Variants in TCEANC2 observed in about 807,000 individuals in gnomAD.
TCEANC2 encodes transcription elongation factor A N-terminal and central domain-containing protein 2.
A neutral mutation model predicts 22.8 loss-of-function variants in TCEANC2; 20 were observed. That is an observed-to-expected ratio of 0.88 (90% CI 0.62 to 1.28). TCEANC2 has a LOEUF of 1.28. Among genes scored for constraint, TCEANC2 ranks in the 50% most tolerant of loss-of-function variants. The pLI is 0.00. For missense variants in TCEANC2, 251 were observed against 249.7 expected (o/e 1.01, Z -0.03); for synonymous variants, 84 against 95.5 (o/e 0.88, Z 0.70).
At chr1:54,090,066 A>G in intron 4 of TCEANC2, 1 of 658,732 alleles carries the variant, frequency 1.5e-6, no homozygotes, top group Non-Finnish European at 2.9e-6. Context: ...CCCTGTTGGC[A>G]GGGTCACCCC....
chr1:54,076,077 TG>T (rs1205705147), intron 3 of TCEANC2, among the ~76,000 whole-genome samples: 1 of 152,038 alleles, frequency 6.6e-6, no homozygotes, highest in Non-Finnish European at 1.5e-5. Flanking sequence ...TTTTATTTTA[TG>T]AGTATTTTTT....
intron 4 of TCEANC2, among the ~76,000 whole-genome samples, chr1:54,093,380 C>T (rs1658483805): frequency 6.6e-6 from 1 of 152,144 alleles, no homozygotes; most frequent in African/African-American, 2.4e-5. Flanking sequence ...GACAGGTATT[C>T]TTCACTTTGC....
chr1:54,089,186 C>G (rs931849645), intron 4 of TCEANC2, among the ~76,000 whole-genome samples: 1 of 152,206 alleles, frequency 6.6e-6, no homozygotes, highest in African/African-American at 2.4e-5. Context: ...ATCATATATG[C>G]AAAAGAATAG....
chr1:54,055,972 G>A (rs1657745297), intron 2 of TCEANC2, among the ~76,000 whole-genome samples: 1 of 152,200 alleles, frequency 6.6e-6, no homozygotes, highest in Non-Finnish European at 1.5e-5. Context: ...AGGATACTTA[G>A]CATCCCTGGC....
intron 2 of TCEANC2, among the ~76,000 whole-genome samples, chr1:54,065,822 T>G (rs1204852590): frequency 6.6e-6 from 1 of 152,106 alleles, no homozygotes; most frequent in Non-Finnish European, 1.5e-5. Flanking sequence ...CTCACACTTG[T>G]AATCCATGTG....
intron 3 of TCEANC2, among the ~76,000 whole-genome samples, chr1:54,074,321 G>T (rs562042436): frequency 6.6e-6 from 1 of 152,128 alleles, no homozygotes; most frequent in Non-Finnish European, 1.5e-5. Context: ...CAATTAGCTG[G>T]GCATGGTGGC....
At chr1:54,067,952 A>G (rs2100361916) in intron 2 of TCEANC2, among the ~76,000 whole-genome samples, 1 of 152,360 alleles carries the variant, frequency 6.6e-6, no homozygotes, top group African/African-American at 2.4e-5. Flanking sequence ...GTAAAAGCAA[A>G]TTAAAAGTCT....
chr1:54,065,618 T>C (rs1206970201), intron 2 of TCEANC2, among the ~76,000 whole-genome samples: 1 of 151,916 alleles, frequency 6.6e-6, no homozygotes, highest in Non-Finnish European at 1.5e-5. Flanking sequence ...CTTGGGAGAC[T>C]GAGGTGGGAG....
chr1:54,072,671 A>G (rs1307430635), intron 3 of TCEANC2, among the ~76,000 whole-genome samples: 1 of 152,178 alleles, frequency 6.6e-6, no homozygotes, highest in Non-Finnish European at 1.5e-5. Flanking sequence ...CTGGGATTAC[A>G]GGCGTGAGCC....
downstream of TCEANC2, among the ~76,000 whole-genome samples, chr1:54,106,724 G>A (rs1377447304): frequency 6.6e-6 from 1 of 151,170 alleles, no homozygotes; most frequent in Non-Finnish European, 1.5e-5. Flanking sequence ...TTTATGTAAG[G>A]GAAAAAAACT....
intron 3 of TCEANC2, among the ~76,000 whole-genome samples, chr1:54,070,831 A>G (rs1329466902): frequency 6.6e-6 from 1 of 152,246 alleles, no homozygotes; most frequent in Admixed American, 6.5e-5. Context: ...ATAATAATGA[A>G]GGAGACAGAT....
chr1:54,063,792 G>A (rs1657899774), intron 2 of TCEANC2, among the ~76,000 whole-genome samples: 1 of 152,182 alleles, frequency 6.6e-6, no homozygotes, highest in Admixed American at 6.5e-5. Flanking sequence ...TGCTTTGTAA[G>A]TAGTTTTTAT....
intron 3 of TCEANC2, among the ~76,000 whole-genome samples, chr1:54,078,331 G>A (rs1275847833): frequency 6.6e-6 from 1 of 152,108 alleles, no homozygotes; most frequent in Non-Finnish European, 1.5e-5. Flanking sequence ...CTTATCCAGG[G>A]CCACCTAGTA....
chr1:54,111,056 C>T (rs897401789), downstream of TCEANC2: 6 of 152,320 alleles, frequency 3.9e-5, no homozygotes, highest in African/African-American at 1.4e-4. Context: ...CACCAGAGCT[C>T]TTCCTGGGAG....
At chr1:54,081,539 C>T (rs1010939796) in intron 3 of TCEANC2, among the ~76,000 whole-genome samples, 2 of 152,192 alleles carry the variant, frequency 1.3e-5, no homozygotes, top group African/African-American at 2.4e-5. Context: ...TGCCACCATG[C>T]GCAGCCTGTC....
chr1:54,100,055 A>G lies in TCEANC2; in HGVS notation c.*3582A>G, dbSNP rs1468628323. 1 of 152,168 alleles carries G rather than the reference A, an allele frequency of 6.6e-6. No individual in the cohort carries two copies. The highest frequency in any genetic ancestry group is 1.5e-5 in the Non-Finnish European group (1 of 68,068). The allele number at this position is 152,168 out of a possible 1,614,324, so 9.4% of individuals were successfully genotyped here. ...GGAGTTTGAGACCAACCTGGCCAACATGGTGAAACCTTGCCTGTACTAAAA... is the reference window on the plus strand; with the variant it reads ...GGAGTTTGAGACCAACCTGGCCAACGTGGTGAAACCTTGCCTGTACTAAAA... On this transcript the variant is annotated 3_prime_UTR_variant, in exon 5 of 5. Transcript: ENST00000234827.
rs1022091939 is a variant in TCEANC2, at chr1:54,103,556, G to A, written c.*7083G>A. The A allele has an allele frequency of 2.0e-5, 3 of 152,180 alleles. No individual in the cohort carries two copies. The highest frequency in any genetic ancestry group is 7.2e-5 in the African/African-American group (3 of 41,424). The allele number at this position is 152,180 out of a possible 1,614,324, so 9.4% of individuals were successfully genotyped here. ...CCTCAACACGTGGGGATTATAATTC[G>A]AGTTAAGATTTGTGTGGAGACACAG... On this transcript the variant is annotated 3_prime_UTR_variant, in exon 5 of 5. Transcript: ENST00000234827.
At chr1:54,054,603 AC>A (rs1657708544) in intron 2 of TCEANC2, 79 bp downstream of exon 2, 1 of 1,396,080 alleles carries the variant, frequency 7.2e-7, no homozygotes, top group African/African-American at 1.4e-5. Flanking sequence ...TTGTGGAAAG[AC>A]CTATGAATTA....
At chr1:54,056,282 A>G (rs774785691) in intron 2 of TCEANC2, among the ~76,000 whole-genome samples, 10 of 152,088 alleles carry the variant, frequency 6.6e-5, no homozygotes, top group Non-Finnish European at 1.3e-4. Flanking sequence ...ACCTACACCT[A>G]CAAACACCCA....
Sources: gnomAD v4.1 joint callset for allele counts (sites outside exome capture counted in the v4.1 genomes callset) on GRCh38, gnomAD v4.1.1 for gene constraint, MANE v1.5 for transcripts, NCBI Gene and HGNC (gene_info 2026-07-23, HGNC 2026-07-21) for gene names.